FANCG: variants seen among roughly 807,000 people sequenced by gnomAD.
The protein encoded by FANCG is FA complementation group G.
A neutral mutation model predicts 73.3 loss-of-function variants in FANCG; 67 were observed. That is an observed-to-expected ratio of 0.91 (90% confidence interval 0.75 to 1.12). FANCG has a LOEUF of 1.12. Ranked by LOEUF, FANCG falls within the 50% of genes most tolerant of loss-of-function variation. The pLI, the probability that FANCG is intolerant of heterozygous loss-of-function variation, is 0.00. For missense variants in FANCG, 643 were observed against 735.6 expected (o/e 0.87, Z 1.46); for synonymous variants, 297 against 311.6 (o/e 0.95, Z 0.49).
chr9:35,075,273 G>C lies in FANCG; in HGVS notation c.1480+6C>G. The C allele has an allele frequency of 1.2e-6, 2 of 1,614,080 alleles. No homozygotes were observed. The highest frequency in any genetic ancestry group is 1.7e-6 in the Non-Finnish European group (2 of 1,180,026). ...AGGTAAGAGGAAAACTGAAAGTTTA[G>C]ATCACCTTGTTCTTTTTCCTCAGGT... On this transcript the variant is annotated splice_donor_region_variant and intron_variant, in intron 11 of 13. Coordinates refer to ENST00000378643, the MANE Select transcript of FANCG (RefSeq NM_004629.2).
In FANCG at chr9:35,075,327, T is replaced by G. The variant is rs1829062071; in HGVS notation, c.1434-2A>C. ...GCCCGGAAGAGCAGCTCGAGGCACC[T>G]GAAGTAGGACACAGAACAGGGGTGA... On this transcript the variant is annotated splice_acceptor_variant, in intron 10 of 13. Transcript: ENST00000378643. LOFTEE classifies it high-confidence loss of function. The G allele has an allele frequency of 8.7e-6, 14 of 1,614,110 alleles. No individual in the cohort carries two copies. The highest frequency in any genetic ancestry group is 8.5e-6 in the Non-Finnish European group (10 of 1,180,016).
Position 35,079,888 on chromosome 9 carries a change from A to T in FANCG, c.-364T>A. On this transcript the variant is annotated 5_prime_UTR_variant, in exon 1 of 14. Coordinates refer to ENST00000378643, the MANE Select transcript of FANCG (RefSeq NM_004629.2). ...GGTCGTGTCTGACTGGGGCAGTCGC[A>T]CGGCCGGCGGTGCGGCCCGCTCGGC... 2.4e-6 allele frequency: 1 copy of T among 414,606 alleles called. No individual in the cohort carries two copies. Among genetic ancestry groups the T allele is most frequent in the South Asian group, 2.4e-5 (1 of 41,216 alleles). 25.7% of individuals were successfully genotyped at this position (414,606 alleles called of 1,614,324 possible).
At chr9:35,075,852 G>A in intron 9 of FANCG, 98 bp from the exon 10 acceptor site, 6 of 1,533,510 alleles carry the variant, frequency 3.9e-6, no homozygotes, top group South Asian at 1.1e-5. Context: ...TGGGCCCCCA[G>A]ACTGGACAGA....
At position 35,074,953 on chromosome 9, in the gene FANCG, A is replaced by C; in HGVS notation, c.1610T>G (p.Phe537Cys). 1 of 1,614,198 alleles carries C rather than the reference A, an allele frequency of 6.2e-7. No individual in the cohort carries two copies. Among genetic ancestry groups the C allele is most frequent in the African/African-American group, 1.3e-5 (1 of 75,048 alleles). The change falls in exon 12 of 14, where the codon TTC (phenylalanine) becomes TGC (cysteine). Residue 537 changes from phenylalanine (F) to cysteine (C), a missense_variant. Coordinates refer to ENST00000378643, the MANE Select transcript of FANCG (RefSeq NM_004629.2). ...TGGGCACATCTGCACACTGAGGAGG[A>C]AGTCCTGTAAGGCTTTGGTATCCTG... ...SGQDTKALQDFLLSVQMCPGN... is the reference protein window; with the variant it reads ...SGQDTKALQDCLLSVQMCPGN...
rs556082635 is a variant in FANCG, at chr9:35,079,866, C to A, written c.-342G>T. On this transcript the variant is annotated 5_prime_UTR_variant, in exon 1 of 14. Transcript: ENST00000378643. ...GCTTAGGCGGGCTAGAAGCCGGGGTCGTGTCTGACTGGGGCAGTCGCACGG... is the reference window on the plus strand; with the variant it reads ...GCTTAGGCGGGCTAGAAGCCGGGGTAGTGTCTGACTGGGGCAGTCGCACGG... 2.6e-4 allele frequency: 115 copies of A among 441,050 alleles called. No individual in the cohort carries two copies. The highest frequency in any genetic ancestry group is 2.4e-3 in the South Asian group (110 of 45,746). 27.3% of individuals were successfully genotyped at this position (441,050 alleles called of 1,614,324 possible). A position where few individuals can be genotyped will look rare whatever the true frequency, so the allele number is the denominator to read the frequency against.
Position 35,078,331 on chromosome 9 carries a change from T to C in FANCG, c.320A>G (p.Gln107Arg). The C allele has an allele frequency of 1.9e-6, 3 of 1,613,518 alleles. No individual in the cohort carries two copies. The highest frequency in any genetic ancestry group is 1.3e-5 in the African/African-American group (1 of 75,034). ...QRSLERVLET[Q>R]EQQGPRLEQG... ...TTCCAACCTGGGCCCCTGCTGCTCC[T>C]GTGTCTCCAGCACTGTAGAGTATAC... Residue 107 changes from glutamine (Q) to arginine (R), a missense_variant, in exon 4 of 14, where the codon CAG becomes CGG. By Grantham distance (43) the Gln-to-Arg change is conservative. Transcript: ENST00000378643.
rs2131057333 is a variant in FANCG, at chr9:35,077,419, C to T, written c.511-20G>A. 2 of 1,614,032 alleles carry T rather than the reference C, an allele frequency of 1.2e-6. No homozygotes were observed. Among genetic ancestry groups the T allele is most frequent in the Non-Finnish European group, 1.7e-6 (2 of 1,179,974 alleles). ...TCCACTCTGGGGAAAGAAGGACAACCAGAAGCTCCAAGCCTACAACCTCCT... is the reference window on the plus strand; with the variant it reads ...TCCACTCTGGGGAAAGAAGGACAACTAGAAGCTCCAAGCCTACAACCTCCT... On this transcript the variant is annotated intron_variant, in intron 4 of 13. Transcript: ENST00000378643.
At chr9:35,076,103 C>G in intron 8 of FANCG, 75 bp from the exon 9 acceptor site, 1 of 1,400,302 alleles carries the variant, frequency 7.1e-7, no homozygotes, top group Non-Finnish European at 1.0e-6. Flanking sequence ...AATGTTCTCT[C>G]TTAGCTAACA....
At position 35,079,588 on chromosome 9, in the gene FANCG, A is replaced by C. The variant is rs778035183; in HGVS notation, c.-64T>G. 1 of 1,543,900 alleles carries C rather than the reference A, an allele frequency of 6.5e-7. No individual in the cohort carries two copies. The highest frequency in any genetic ancestry group is 8.9e-7 in the Non-Finnish European group (1 of 1,117,818). On this transcript the variant is annotated 5_prime_UTR_variant, in exon 1 of 14. Coordinates refer to ENST00000378643, the MANE Select transcript of FANCG (RefSeq NM_004629.2). The stretch of plus-strand genomic sequence containing the variant: ...AGGAAGGGTGAAGCTGGCCTGCCCA[A>C]GCTCCCAACCCCAGCGGGGAGGGGC...
chr9:35,074,845 T>C (rs964256950), intron 12 of FANCG, 82 bp downstream of exon 12: 2 of 1,561,496 alleles, frequency 1.3e-6, no homozygotes, highest in Non-Finnish European at 1.8e-6. Context: ...ACACCACTCT[T>C]ACACTTACGC....
intron 9 of FANCG, 87 bp downstream of exon 9, chr9:35,075,875 A>G: frequency 1.3e-6 from 2 of 1,569,674 alleles, no homozygotes; most frequent in East Asian, 4.5e-5. Flanking sequence ...GAATAGAGGA[A>G]AAAACAAAAA....
chr9:35,079,852 C>T lies in FANCG; in HGVS notation c.-328G>A. On this transcript the variant is annotated 5_prime_UTR_variant, in exon 1 of 14. Transcript: ENST00000378643. Reference sequence around the variant, plus strand: ...GCAACCCCAAACAGGCTTAGGCGGGCTAGAAGCCGGGGTCGTGTCTGACTG... The same window carrying T: ...GCAACCCCAAACAGGCTTAGGCGGGTTAGAAGCCGGGGTCGTGTCTGACTG... 1 of 453,700 alleles carries T rather than the reference C, an allele frequency of 2.2e-6. No individual in the cohort carries two copies. Among genetic ancestry groups the T allele is most frequent in the Non-Finnish European group, 4.1e-6 (1 of 242,250 alleles). 28.1% of individuals were successfully genotyped at this position (453,700 alleles called of 1,614,324 possible).
At position 35,077,046 on chromosome 9, in the gene FANCG, T is replaced by A. The variant is rs1472777447; in HGVS notation, c.702A>T (p.Glu234Asp). ...GCCGTGGACACAGGCCTGAGGCCGC[T>A]TCATGAAGGCTGCTTAGTGCCTTGT... The part of the protein sequence containing the change: ...NPDKALSSLH[E>D]AASGLCPRPV... The change falls in exon 6 of 14, where the codon GAA becomes GAT. Residue 234 changes from glutamate to aspartate, a missense_variant. Glu to Asp is a conservative substitution (Grantham distance 45, BLOSUM62 2). Transcript: ENST00000378643. The A allele has an allele frequency of 1.2e-6, 2 of 1,614,046 alleles. No homozygotes were observed. Among genetic ancestry groups the A allele is most frequent in the Non-Finnish European group, 1.7e-6 (2 of 1,180,036 alleles).
chr9:35,077,020 GGCCGTGGACA>G lies in FANCG; in HGVS notation c.718_727del (p.Cys240LeufsTer31), dbSNP rs1484684600. 1 of 1,614,110 alleles carries G rather than the reference GGCCGTGGACA, an allele frequency of 6.2e-7. No homozygotes were observed. The highest frequency in any genetic ancestry group is 8.5e-7 in the Non-Finnish European group (1 of 1,180,052). On this transcript the variant is annotated frameshift_variant, in exon 6 of 14. Transcript: ENST00000378643. LOFTEE classifies it high-confidence loss of function. ...TGCTGTGTACACCTGGACCAACACA[GGCCGTGGACA>G]CAGGCCTGAGGCCGCTTCATGAAGG...
intron 2 of FANCG, 97 bp from the exon 3 acceptor site, chr9:35,078,833 C>G: frequency 6.6e-7 from 1 of 1,506,218 alleles, no homozygotes; most frequent in Admixed American, 1.7e-5. Context: ...ACCAAAACAG[C>G]TACAATAAAG....
intron 4 of FANCG, 142 bp downstream of exon 4, chr9:35,077,999 C>T: frequency 1.2e-6 from 1 of 817,074 alleles, no homozygotes; most frequent in Non-Finnish European, 2.1e-6. Flanking sequence ...GGCAAGGTCA[C>T]CCAAGAGTCC....
In FANCG at chr9:35,076,446, G is replaced by T. The variant is rs745928033; in HGVS notation, c.1062C>A (p.Cys354Ter). ...GGGAACCTCACCTCCCCGTCTGTAGGCACCTGCTTGCTAGTATGTGCTTGG... is the reference window on the plus strand; with the variant it reads ...GGGAACCTCACCTCCCCGTCTGTAGTCACCTGCTTGCTAGTATGTGCTTGG... The part of the protein sequence containing the change: ...SQTKHILASR[C>*]LQTGRAGDAA... Residue 354 changes from cysteine (C) to a stop codon, truncating the protein, a stop_gained, in exon 8 of 14, where the codon TGC becomes TGA. Coordinates refer to ENST00000378643, the MANE Select transcript of FANCG (RefSeq NM_004629.2). LOFTEE classifies it high-confidence loss of function. 1 of 1,614,076 alleles carries T rather than the reference G, an allele frequency of 6.2e-7. No individual in the cohort carries two copies. Among genetic ancestry groups the T allele is most frequent in the Admixed American group, 1.7e-5 (1 of 60,020 alleles).
At chr9:35,078,369 A>G (rs751045540) in intron 3 of FANCG, 26 bp from the exon 4 acceptor site, 48 of 1,602,182 alleles carry the variant, frequency 3.0e-5, no homozygotes, top group Non-Finnish European at 4.0e-5. Flanking sequence ...ACACACATAG[A>G]CACACACACA....
In FANCG at chr9:35,077,455, T is replaced by C. The variant is rs1829107585; in HGVS notation, c.511-56A>G. On this transcript the variant is annotated intron_variant, in intron 4 of 13. Transcript: ENST00000378643. ...AGCCTACAACCTCCTCGTCTTCTCC[T>C]ATCTCCATCTATCCTGGCTAGACCT... 1.2e-5 allele frequency: 20 copies of C among 1,608,816 alleles called. 1 individual carries two copies. The South Asian group carries it at 2.0e-4, about 16-fold the overall frequency.
Sources: allele counts gnomAD v4.1 joint callset, GRCh38; gene constraint gnomAD v4.1.1; transcripts MANE v1.5; gene names NCBI Gene and HGNC (gene_info 2026-07-23, HGNC 2026-07-21).